The following SIK3 variants were observed in gnomAD, a reference collection of about 807,000 sequenced individuals.
The protein encoded by SIK3 is SIK family kinase 3, also known as serine/threonine-protein kinase SIK3.
In SIK3, 28 loss-of-function variants were observed where a neutral mutation model predicts 144.2. That is an observed-to-expected ratio of 0.19 (90% confidence interval 0.14 to 0.27). The LOEUF is 0.27. Among genes scored for constraint, SIK3 ranks in the 10% least tolerant of loss-of-function variants. The pLI, the probability that SIK3 is intolerant of heterozygous loss-of-function variation, is 1.00. For synonymous variants in SIK3, 686 were observed against 676.3 expected, an observed-to-expected ratio of 1.01 and a Z score of -0.22; for missense variants, 1,319 against 1,776.0, an observed-to-expected ratio of 0.74 and a Z score of 4.62.
intron 1 of SIK3, among the ~76,000 whole-genome samples, chr11:117,085,698 G>A (rs1376088299): frequency 6.6e-6 from 1 of 152,114 alleles, no homozygotes; most frequent in African/African-American, 2.4e-5. Flanking sequence ...AAAGAGTAAT[G>A]CATGAGCCAG....
At chr11:116,942,648 G>A (rs1948375962) in intron 3 of SIK3, among the ~76,000 whole-genome samples, 1 of 152,138 alleles carries the variant, frequency 6.6e-6, no homozygotes, top group South Asian at 2.1e-4. Flanking sequence ...AGGAGAGACA[G>A]CCATGTGGAT....
At chr11:117,037,764 AAG>A (rs1952576160) in intron 1 of SIK3, among the ~76,000 whole-genome samples, 1 of 150,646 alleles carries the variant, frequency 6.6e-6, no homozygotes, top group Non-Finnish European at 1.5e-5. Context: ...GGCAGAAAAA[AAG>A]AGATGATAAT....
At chr11:117,048,445 T>C (rs1024208724) in intron 1 of SIK3, among the ~76,000 whole-genome samples, 3 of 151,738 alleles carry the variant, frequency 2.0e-5, no homozygotes, top group Admixed American at 6.6e-5. Flanking sequence ...TCACCTGCGG[T>C]TGGGAGTTCG....
chr11:116,996,039 G>C (rs1186022512), intron 1 of SIK3, among the ~76,000 whole-genome samples: 2 of 152,076 alleles, frequency 1.3e-5, no homozygotes, highest in African/African-American at 4.8e-5. Flanking sequence ...TGGGTGCAGT[G>C]GTTCATGCCT....
At chr11:116,861,961 G>T in intron 17 of SIK3, 35 bp from the exon 18 acceptor site, 1 of 1,482,920 alleles carries the variant, frequency 6.7e-7, no homozygotes, top group Non-Finnish European at 9.3e-7. Context: ...AAAAATTATT[G>T]TGAGCTTGAA....
chr11:116,886,366 G>A (rs1028726672), intron 6 of SIK3, among the ~76,000 whole-genome samples: 5 of 152,158 alleles, frequency 3.3e-5, no homozygotes, highest in Non-Finnish European at 7.3e-5. Flanking sequence ...TTGCCCCATT[G>A]GTTCTAAACA....
At chr11:116,996,539 G>A (rs1415561201) in intron 1 of SIK3, among the ~76,000 whole-genome samples, 1 of 152,076 alleles carries the variant, frequency 6.6e-6, no homozygotes, top group Non-Finnish European at 1.5e-5. Flanking sequence ...CAGTTCTCAG[G>A]CCGGGCACGG....
intron 3 of SIK3, among the ~76,000 whole-genome samples, chr11:116,948,505 G>A (rs567491227): frequency 6.2e-4 from 94 of 152,084 alleles, no homozygotes; most frequent in African/African-American, 2.2e-3. Flanking sequence ...CTGAACTCCT[G>A]GGCTAAAGCA....
At chr11:116,896,164 T>C (rs1945386477) in intron 6 of SIK3, 89 bp downstream of exon 6, 6 of 1,561,638 alleles carry the variant, frequency 3.8e-6, no homozygotes, top group Non-Finnish European at 5.2e-6. Flanking sequence ...AAGTGGGCCA[T>C]TTATACTCCA....
intron 1 of SIK3, among the ~76,000 whole-genome samples, chr11:117,063,008 G>GA (rs1953864312): frequency 6.6e-6 from 1 of 152,180 alleles, no homozygotes; most frequent in African/African-American, 2.4e-5. Flanking sequence ...AGATAAATCA[G>GA]AAATCAGCTT....
chr11:116,898,243 C>T lies in SIK3; in HGVS notation c.617-926G>A, dbSNP rs540163625. Among the ~76,000 whole-genome samples the T allele has an allele frequency of 2.5e-3, 385 of 151,752 alleles. 4 individuals carry two copies. The highest frequency in any genetic ancestry group is 3.1e-3 in the Non-Finnish European group (210 of 67,986). On this transcript the variant is annotated intron_variant, in intron 4 of 24. Transcript: ENST00000445177. ...TGCGATGTTTGGTTTTTTGTTCTTGCGATAGTTTACTGAGAATGATGATTT... is the reference window on the plus strand; with the variant it reads ...TGCGATGTTTGGTTTTTTGTTCTTGTGATAGTTTACTGAGAATGATGATTT...
intron 1 of SIK3, 103 bp downstream of exon 1, chr11:117,098,040 C>G (rs1955558163): frequency 1.7e-6 from 2 of 1,163,260 alleles, no homozygotes; most frequent in Non-Finnish European, 2.1e-6. Context: ...CCCCAACGCT[C>G]CCACCACGCG....
intron 3 of SIK3, among the ~76,000 whole-genome samples, chr11:116,937,984 C>CACTT (rs1330868982): frequency 2.0e-5 from 3 of 152,044 alleles, no homozygotes; most frequent in African/African-American, 7.2e-5. Flanking sequence ...ACAAGTGGAT[C>CACTT]ACTTGAGGCC....
At chr11:116,889,873 G>A (rs539828588) in intron 6 of SIK3, among the ~76,000 whole-genome samples, 64 of 152,122 alleles carry the variant, frequency 4.2e-4, no homozygotes, top group Non-Finnish European at 1.8e-4. Context: ...CTCCAGCCTG[G>A]GCGACAGAGA....
At chr11:116,940,783 G>C (rs967762619) in intron 3 of SIK3, among the ~76,000 whole-genome samples, 5 of 148,698 alleles carry the variant, frequency 3.4e-5, no homozygotes, top group African/African-American at 1.2e-4. Context: ...CTCCTGGTGG[G>C]GGCATTAAAA....
At chr11:117,037,030 T>C (rs926622508) in intron 1 of SIK3, among the ~76,000 whole-genome samples, 1 of 152,234 alleles carries the variant, frequency 6.6e-6, no homozygotes, top group African/African-American at 2.4e-5. Flanking sequence ...TTTGTTTCTA[T>C]CTTTAAAATA....
intron 4 of SIK3, among the ~76,000 whole-genome samples, chr11:116,916,339 A>C (rs982277854): frequency 6.6e-6 from 1 of 152,180 alleles, no homozygotes; most frequent in Non-Finnish European, 1.5e-5. Context: ...TCACTCTCTT[A>C]TGATTTTAAG....
At chr11:116,903,731 A>G (rs34144542) in intron 4 of SIK3, among the ~76,000 whole-genome samples, 7,942 of 152,178 alleles carry the variant, frequency 0.052, 297 homozygotes, top group Middle Eastern at 0.11. Context: ...TCAGGCAAAC[A>G]CCACCATGCC....
At chr11:116,898,028 G>A (rs1241063742) in intron 4 of SIK3, among the ~76,000 whole-genome samples, 2 of 151,952 alleles carry the variant, frequency 1.3e-5, no homozygotes, top group African/African-American at 4.8e-5. Context: ...CAATGTGCAG[G>A]TTAGTTACAT....
Sources: gnomAD v4.1 joint callset for allele counts (sites outside exome capture counted in the v4.1 genomes callset) on GRCh38, gnomAD v4.1.1 for gene constraint, MANE v1.5 for transcripts, NCBI Gene and HGNC (gene_info 2026-07-23, HGNC 2026-07-21) for gene names.